TNXB: variants seen among roughly 807,000 people sequenced by gnomAD.
TNXB encodes tenascin-X.
TNXB carries 183 observed loss-of-function variants against 340.5 expected under a neutral mutation model. That is an observed-to-expected ratio of 0.54 (90% confidence interval 0.48 to 0.61). TNXB has a LOEUF of 0.61. Ranked by LOEUF, TNXB falls within the 20% of genes least tolerant of loss-of-function variation. The pLI is 0.00. For synonymous variants in TNXB, 2,121 were observed against 2,314.5 expected, an observed-to-expected ratio of 0.92 and a Z score of 2.40; for missense variants, 4,613 against 5,446.4, an observed-to-expected ratio of 0.85 and a Z score of 4.82.
chr6:32,057,489 C>T (rs1473623012), intron 22 of TNXB, among the ~76,000 whole-genome samples: 1 of 152,238 alleles, frequency 6.6e-6, no homozygotes, highest in South Asian at 2.1e-4. Flanking sequence ...CCATCCCCAT[C>T]TTCAGCCCCC....
intron 29 of TNXB, 85 bp from the exon 30 acceptor site, chr6:32,048,097 C>CATA: frequency 1.3e-6 from 2 of 1,485,112 alleles, no homozygotes; most frequent in Non-Finnish European, 1.8e-6. Context: ...CTCTGTGAGC[C>CATA]GGTCCCAGGA....
chr6:32,101,202 T>A (rs1222509832), intron 1 of TNXB, among the ~76,000 whole-genome samples: 2 of 149,516 alleles, frequency 1.3e-5, no homozygotes, highest in African/African-American at 5.0e-5. Context: ...AAAGAGCCAA[T>A]AAACATTTTA....
At chr6:32,048,126 C>A in intron 29 of TNXB, 114 bp from the exon 30 acceptor site, 1 of 1,334,652 alleles carries the variant, frequency 7.5e-7, no homozygotes, top group East Asian at 2.3e-5. Context: ...GTGACTGGGC[C>A]AGGAGTAGGA....
At chr6:32,048,826 G>A (rs937331703) in intron 28 of TNXB, among the ~76,000 whole-genome samples, 176 bp from the exon 29 acceptor site, 4 of 152,216 alleles carry the variant, frequency 2.6e-5, no homozygotes, top group Non-Finnish European at 4.4e-5. Context: ...TTTAACCCTC[G>A]CACAACATAT....
chr6:32,051,079 C>T lies in TNXB; in HGVS notation c.9116-758G>A, dbSNP rs1219369636. Among the ~76,000 whole-genome samples the T allele has an allele frequency of 1.3e-5, 2 of 152,230 alleles. No individual in the cohort carries two copies. Among genetic ancestry groups the T allele is most frequent in the African/African-American group, 4.8e-5 (2 of 41,458 alleles). ...TCAATCCTCAGTACTTCTCACACAC[C>T]ATGCTCTTTCTAGCCTCCTGGCCTT... is the stretch of plus-strand genomic sequence containing the variant. On this transcript the variant is annotated intron_variant, in intron 26 of 43. Transcript: ENST00000644971. This position sits in a 1 kb window ranked among gnomAD's most constrained non-coding sequence, Gnocchi z 4.7.
rs765519606 is a variant in TNXB, at chr6:32,089,272, G to T, written c.2466C>A (p.Ala822=). The change falls in exon 5 of 44, where the codon GCC becomes GCA. Residue 822 remains alanine, a synonymous_variant. Coordinates refer to ENST00000644971, the MANE Select transcript of TNXB (RefSeq NM_001365276.2). This position sits in a 1 kb window ranked among gnomAD's most constrained non-coding sequence, Gnocchi z 6.2. ...GAAGGCCCCAGCTGGTCCCTCGAAG[G>T]GCTCGGACAGTGACCTGGTACTCCT... The part of the protein sequence containing the change: ...PGQEYQVTVR[A]LRGTSWGLPA... 2.5e-6 allele frequency: 4 copies of T among 1,607,554 alleles called. No individual in the cohort carries two copies. Among genetic ancestry groups the T allele is most frequent in the Non-Finnish European group, 3.4e-6 (4 of 1,178,118 alleles).
In TNXB at chr6:32,072,119, C is replaced by G. The variant is rs372387718; in HGVS notation, c.4861G>C (p.Val1621Leu). The G allele has an allele frequency of 2.7e-5, 43 of 1,613,060 alleles. No individual in the cohort carries two copies. The highest frequency in any genetic ancestry group is 3.1e-5 in the Non-Finnish European group (36 of 1,179,556). Reference protein sequence around the residue: ...YKDRDGQPQVVPVAADQREVT... With the variant: ...YKDRDGQPQVLPVAADQREVT... Reference sequence around the variant, plus strand: ...TCCCGCTGATCTGCAGCCACGGGCACCACCTGGGGCTGCCCGTCCCTGTCC... The same window carrying G: ...TCCCGCTGATCTGCAGCCACGGGCAGCACCTGGGGCTGCCCGTCCCTGTCC... The change falls in exon 13 of 44, where the codon GTG (valine) becomes CTG (leucine). Residue 1621 changes from valine to leucine, a missense_variant. This residue lies in a region of TNXB where 4,327 missense variants were observed against 4,859.4 expected (regional missense o/e 0.89). Coordinates refer to ENST00000644971, the MANE Select transcript of TNXB (RefSeq NM_001365276.2). The surrounding 1 kb of genome is among the most constrained non-coding windows in gnomAD (Gnocchi z 4.4).
rs938202965 is a variant in TNXB, at chr6:32,095,652, C to G, written c.2201G>C (p.Cys734Ser). The G allele has an allele frequency of 1.2e-6, 2 of 1,613,976 alleles. No homozygotes were observed. The highest frequency in any genetic ancestry group is 1.7e-6 in the Non-Finnish European group (2 of 1,179,854). Residue 734 changes from cysteine to serine, a missense_variant, in exon 3 of 44, where the codon TGT (cysteine) becomes TCT (serine). Physicochemically the swap from Cys to Ser is moderately radical, Grantham distance 112. Around this residue, in one of 7 missense-constraint regions of TNXB, gnomAD observed 4,327 missense variants for 4,859.4 expected, o/e 0.89. Coordinates refer to ENST00000644971, the MANE Select transcript of TNXB (RefSeq NM_001365276.2). ...GCCAGCATACCCATCTTTGCAGACA[C>G]AGCTGCCATCGTGACACTCTCCTCG... is the stretch of plus-strand genomic sequence containing the variant. ...RGRGECHDGS[C>S]VCKDGYAGED...
rs563011335 is a variant in TNXB at position 32,069,016 on chromosome 6, A to G, written c.5708T>C (p.Val1903Ala). The G allele has an allele frequency of 6.2e-7, 1 of 1,612,838 alleles. No individual in the cohort carries two copies. The highest frequency in any genetic ancestry group is 1.7e-5 in the Admixed American group (1 of 60,022). Residue 1903 changes from valine (V) to alanine (A), a missense_variant, in exon 16 of 44, where the codon GTG (valine) becomes GCG (alanine). Transcript: ENST00000644971. This position sits in a 1 kb window ranked among gnomAD's most constrained non-coding sequence, Gnocchi z 6.2. ...TSHTLHLSWM[V>A]TEGEFDSFEI... is the part of the protein sequence containing the mutation. ...GAAGGAGTCAAATTCTCCCTCAGTC[A>G]CCATCCAGGAGAGATGCAGGGTGTG...
At chr6:32,066,381 G>A (rs1778338181) in intron 18 of TNXB, among the ~76,000 whole-genome samples, 2 of 151,958 alleles carry the variant, frequency 1.3e-5, no homozygotes, top group Admixed American at 1.3e-4. Context: ...GCAATAGAGT[G>A]GGAATTTGTC....
In TNXB at chr6:32,086,061, G is replaced by T; in HGVS notation, c.2837C>A (p.Ser946Ter). 1 of 1,587,340 alleles carries T rather than the reference G, an allele frequency of 6.3e-7. No homozygotes were observed. The highest frequency in any genetic ancestry group is 8.6e-7 in the Non-Finnish European group (1 of 1,168,080). ...TTDEPPPSGP[S>*]TTQGAQAPLL... Reference sequence around the variant, plus strand: ...AGGAGCCTGGGCCCCTTGCGTCGTCGAGGGGCCTGAGGGAGGAGGCTCATC... The same window carrying T: ...AGGAGCCTGGGCCCCTTGCGTCGTCTAGGGGCCTGAGGGAGGAGGCTCATC... The change falls in exon 7 of 44, where the codon TCG becomes TAG. Residue 946 changes from serine (S) to a stop codon, truncating the protein, a stop_gained. Transcript: ENST00000644971. LOFTEE classifies it high-confidence loss of function.
rs1582356985 is a variant in TNXB, at chr6:32,051,847, T to C, written c.9115+823A>G. ...CCATTCAAAAAAGACAAATATTGTA[T>C]GATTGCACTTATATGAGGTACCTAG... On this transcript the variant is annotated intron_variant, in intron 26 of 43. Coordinates refer to ENST00000644971, the MANE Select transcript of TNXB (RefSeq NM_001365276.2). This position sits in a 1 kb window ranked among gnomAD's most constrained non-coding sequence, Gnocchi z 4.7. 6.6e-6 allele frequency among the ~76,000 whole-genome samples: 1 copy of C among 152,222 alleles called. No individual in the cohort carries two copies. The highest frequency in any genetic ancestry group is 1.9e-4 in the East Asian group (1 of 5,202).
chr6:32,093,986 T>A (rs1051716769), intron 4 of TNXB, among the ~76,000 whole-genome samples: 1 of 148,834 alleles, frequency 6.7e-6, no homozygotes, highest in Non-Finnish European at 1.5e-5. Context: ...CCCAGCTACT[T>A]GGGAGGCTGA....
rs767149489 is a variant in TNXB, at chr6:32,089,378, G to C, written c.2360C>G (p.Thr787Arg). 1 of 1,604,258 alleles carries C rather than the reference G, an allele frequency of 6.2e-7. No homozygotes were observed. Reference sequence around the variant, plus strand: ...TGTGAATGGGGGGCTCGCCCCCTCTGTCTGTGAGAGAGAGCACCAGGTGGC... The same window carrying C: ...TGTGAATGGGGGGCTCGCCCCCTCTCTCTGTGAGAGAGAGCACCAGGTGGC... Reference protein sequence around the residue: ...DAYEIQFIPTTEGASPPFTAR... With the variant: ...DAYEIQFIPTREGASPPFTAR... Residue 787 changes from threonine to arginine, a missense_variant and splice_region_variant, in exon 5 of 44, where the codon ACA becomes AGA. Physicochemically the swap from Thr to Arg is moderately conservative, Grantham distance 71 (BLOSUM62 -1). This residue lies in a region of TNXB where 4,327 missense variants were observed against 4,859.4 expected (regional missense o/e 0.89). Transcript: ENST00000644971. The surrounding 1 kb of genome is among the most constrained non-coding windows in gnomAD (Gnocchi z 6.2).
chr6:32,055,936 C>T lies in TNXB; in HGVS notation c.8382G>A (p.Leu2794=), dbSNP rs1322116737. 8.1e-6 allele frequency: 13 copies of T among 1,613,550 alleles called. No individual in the cohort carries two copies. The highest frequency in any genetic ancestry group is 1.1e-5 in the Non-Finnish European group (13 of 1,179,888). ...GEESEVTVGG[L]EPGRKYKMHL... is the part of the protein sequence containing the mutation. ...GCATCTTGTATTTGCGCCCGGGCTC[C>T]AGGCCCCCCACGGTGACCTCGCTCT... Residue 2794 remains leucine (L), a synonymous_variant, in exon 24 of 44, where the codon CTG becomes CTA. Coordinates refer to ENST00000644971, the MANE Select transcript of TNXB (RefSeq NM_001365276.2).
At position 32,053,709 on chromosome 6, in the gene TNXB, G is replaced by A. The variant is rs1777451442; in HGVS notation, c.8470C>T (p.Pro2824Ser). 2.5e-6 allele frequency: 4 copies of A among 1,611,180 alleles called. No homozygotes were observed. Among genetic ancestry groups the A allele is most frequent in the Non-Finnish European group, 2.5e-6 (3 of 1,178,444 alleles). The part of the protein sequence containing the change: ...GPVSTVGVTA[P>S]EDEAETTQAV... The stretch of plus-strand genomic sequence containing the variant: ...TGGGTGGTCTCTGCTTCATCCTCTG[G>A]AGCTGGACAGACACGTGTGGGGAGA... The change falls in exon 25 of 44, where the codon CCA becomes TCA. Residue 2824 changes from proline to serine, a missense_variant and splice_region_variant. By Grantham distance (74) the Pro-to-Ser change is moderately conservative (BLOSUM62 -1). Around this residue, in one of 7 missense-constraint regions of TNXB, gnomAD observed 4,327 missense variants for 4,859.4 expected, o/e 0.89. Coordinates refer to ENST00000644971, the MANE Select transcript of TNXB (RefSeq NM_001365276.2).
intron 4 of TNXB, chr6:32,093,282 T>G (rs1332159107): frequency 1.5e-6 from 1 of 676,210 alleles, no homozygotes; most frequent in East Asian, 2.7e-5. Context: ...TGTTTTTCTT[T>G]TCTCTAGTTG....
Position 32,048,396 on chromosome 6 carries a change from G to A in TNXB, c.10012C>T (p.Arg3338Cys), listed in dbSNP as rs533572292. 4.6e-6 allele frequency: 7 copies of A among 1,527,456 alleles called. No homozygotes were observed. In the Admixed American group the frequency reaches 5.8e-5, roughly 13 times the overall value. The allele number at this position is 1,527,456 out of a possible 1,614,324, so 94.6% of individuals were successfully genotyped here. A position where few individuals can be genotyped will look rare whatever the true frequency, so the allele number is the denominator to read the frequency against. The change falls in exon 29 of 44, where the codon CGC becomes TGC. Residue 3338 changes from arginine (R) to cysteine (C), a missense_variant. By Grantham distance (180) the Arg-to-Cys change is radical. Around this residue, in one of 7 missense-constraint regions of TNXB, gnomAD observed 4,327 missense variants for 4,859.4 expected, o/e 0.89. Transcript: ENST00000644971. ...FLLFGLQNGKRHGPVPVEART... is the reference protein window; with the variant it reads ...FLLFGLQNGKCHGPVPVEART... ...GCCTCCACAGGGACTGGGCCGTGGC[G>A]TTTCCCATTCTGGAGTCCAAAGAGC... is the stretch of plus-strand genomic sequence containing the variant.
rs564894886 is a variant in TNXB at position 32,088,834 on chromosome 6, C to T, written c.2730G>A (p.Ala910=). Residue 910 remains alanine (A), a synonymous_variant, in exon 6 of 44, where the codon GCG becomes GCA. Coordinates refer to ENST00000644971, the MANE Select transcript of TNXB (RefSeq NM_001365276.2). ...GGTAGCTGACTGCCCGGCCCCGCTC[C>T]GCTGTGACAGTCACCACATATTCTA... ...PGVEYVVTVT[A]ERGRAVSYPA... 57 of 1,582,076 alleles carry T rather than the reference C, an allele frequency of 3.6e-5. No individual in the cohort carries two copies. In the Admixed American group the frequency reaches 4.5e-4, roughly 13 times the overall value.
Sources: gnomAD v4.1 joint callset for allele counts (sites outside exome capture counted in the v4.1 genomes callset) on GRCh38, gnomAD v4.1.1 for gene constraint, gnomAD v4.1.1 regional missense constraint, Gnocchi (gnomAD v3.1) non-coding constraint, MANE v1.5 for transcripts, NCBI Gene and HGNC (gene_info 2026-07-23, HGNC 2026-07-21) for gene names.